LLPH: variants seen among roughly 807,000 people sequenced by gnomAD.
The protein encoded by LLPH is protein LLP homolog.
Under a neutral mutation model 13.3 loss-of-function variants are expected in LLPH, and 5 were observed. That is an observed-to-expected ratio of 0.38 (90% CI 0.20 to 0.79). The LOEUF is 0.79. Ranked by LOEUF, LLPH falls within the 30% of genes least tolerant of loss-of-function variation. The pLI is 0.45. For missense variants in LLPH, 129 were observed against 152.1 expected, an observed-to-expected ratio of 0.85 and a Z score of 0.80; for synonymous variants, 32 against 44.2, an observed-to-expected ratio of 0.72 and a Z score of 1.09.
chr12:66,127,891 C>A (rs140471025), intron 2 of LLPH, among the ~76,000 whole-genome samples: 1 of 152,108 alleles, frequency 6.6e-6, no homozygotes, highest in East Asian at 1.9e-4. Flanking sequence ...GTGGAGGAGA[C>A]TGATAAGGCA....
intron 2 of LLPH, among the ~76,000 whole-genome samples, chr12:66,127,654 G>GTT (rs886546930): frequency 2.6e-5 from 4 of 152,188 alleles, no homozygotes; most frequent in Non-Finnish European, 4.4e-5. Context: ...TTAATTTTAT[G>GTT]TTATGTGGAT....
intron 2 of LLPH, among the ~76,000 whole-genome samples, chr12:66,124,910 C>T (rs1214665335): frequency 1.3e-5 from 2 of 152,118 alleles, no homozygotes; most frequent in African/African-American, 4.8e-5. Flanking sequence ...AAAACCTCAG[C>T]CAGGTATAGT....
Position 66,117,357 on chromosome 12 carries a change from T to A in LLPH, c.*6483A>T, listed in dbSNP as rs372002386. ...ACAGTCATGCATTGCATGATGACAT[T>A]TCAGTCAATATAGGCAGTGGTCCCA... On this transcript the variant is annotated 3_prime_UTR_variant, in exon 3 of 3. Transcript: ENST00000266604. 1.4e-4 allele frequency: 21 copies of A among 152,322 alleles called. No individual in the cohort carries two copies. The highest frequency in any genetic ancestry group is 5.0e-4 in the African/African-American group (21 of 41,586). The allele number at this position is 152,322 out of a possible 1,614,324, so 9.4% of individuals were successfully genotyped here.
chr12:66,123,083 C>T lies in LLPH; in HGVS notation c.*757G>A, dbSNP rs1043846252. The T allele has an allele frequency of 6.6e-6, 1 of 151,602 alleles. No homozygotes were observed. The highest frequency in any genetic ancestry group is 2.4e-5 in the African/African-American group (1 of 41,312). The allele number at this position is 151,602 out of a possible 1,614,324, so 9.4% of individuals were successfully genotyped here. On this transcript the variant is annotated 3_prime_UTR_variant, in exon 3 of 3. Transcript: ENST00000266604. ...ACTTGAAGATCTACACACAAAATAT[C>T]TTTTATTCTGTGGAATCAAAGCTCC...
chr12:66,124,109 T>G, intron 2 of LLPH, 91 bp from the exon 3 acceptor site: 1 of 819,240 alleles, frequency 1.2e-6, no homozygotes, highest in Non-Finnish European at 1.9e-6. Flanking sequence ...ATCAGAACAT[T>G]AGAACTGAAG....
rs887502757 is a variant in LLPH, at chr12:66,120,965, A to G, written c.*2875T>C. 2.0e-5 allele frequency: 3 copies of G among 152,200 alleles called. No individual in the cohort carries two copies. The highest frequency in any genetic ancestry group is 4.4e-5 in the Non-Finnish European group (3 of 68,024). 9.4% of individuals were successfully genotyped at this position (152,200 alleles called of 1,614,324 possible). A position where few individuals can be genotyped will look rare whatever the true frequency, so the allele number is the denominator to read the frequency against. Reference sequence around the variant, plus strand: ...CTGTGTCAGTAAACTTCTCTTCAGCAGTCGCCTTTCCAGAGGCCATGTGAC... The same window carrying G: ...CTGTGTCAGTAAACTTCTCTTCAGCGGTCGCCTTTCCAGAGGCCATGTGAC... On this transcript the variant is annotated 3_prime_UTR_variant, in exon 3 of 3. Transcript: ENST00000266604.
Position 66,127,852 on chromosome 12 carries a change from A to G in LLPH, c.211+1044T>C, listed in dbSNP as rs569518662. On this transcript the variant is annotated intron_variant, in intron 2 of 2. Transcript: ENST00000266604. Reference sequence around the variant, plus strand: ...TTTCTTTTGACATTGAACATCCCAGAACACATCTATGCTGTTGGCAATGAC... The same window carrying G: ...TTTCTTTTGACATTGAACATCCCAGGACACATCTATGCTGTTGGCAATGAC... Among the ~76,000 whole-genome samples the G allele has an allele frequency of 3.9e-5, 6 of 152,340 alleles. No homozygotes were observed. The South Asian group carries it at 1.2e-3, about 32-fold the overall frequency.
In LLPH at chr12:66,126,652, C is replaced by T. The variant is rs143901081; in HGVS notation, c.211+2244G>A. Among the ~76,000 whole-genome samples the T allele has an allele frequency of 2.3e-4, 35 of 152,154 alleles. 1 individual carries two copies. The highest frequency in any genetic ancestry group is 7.7e-4 in the African/African-American group (32 of 41,530). On this transcript the variant is annotated intron_variant, in intron 2 of 2. Transcript: ENST00000266604. ...ATCAGCATATGAAAAAATGTTCAGC[C>T]GGGTGTGGTGGCTCACACCTGTAAT...
At chr12:66,125,435 T>C (rs533463584) in intron 2 of LLPH, among the ~76,000 whole-genome samples, 1 of 149,998 alleles carries the variant, frequency 6.7e-6, no homozygotes, top group East Asian at 1.9e-4. Flanking sequence ...GTTGAAAGAG[T>C]AGAAATAAGG....
intron 2 of LLPH, among the ~76,000 whole-genome samples, chr12:66,124,840 C>T (rs886764056): frequency 7.9e-5 from 12 of 152,172 alleles, no homozygotes; most frequent in Non-Finnish European, 1.5e-4. Context: ...ATATGAACTC[C>T]TAGCCCTCAC....
At chr12:66,125,297 TG>T (rs1338753240) in intron 2 of LLPH, among the ~76,000 whole-genome samples, 1 of 151,918 alleles carries the variant, frequency 6.6e-6, no homozygotes, top group Non-Finnish European at 1.5e-5. Context: ...AGGAAAAAAA[TG>T]GATACAGATT....
chr12:66,126,372 A>G (rs886957439), intron 2 of LLPH, among the ~76,000 whole-genome samples: 2 of 151,756 alleles, frequency 1.3e-5, no homozygotes, highest in East Asian at 1.9e-4. Context: ...AATTAAAAAT[A>G]TAAGAGAAAA....
In LLPH at chr12:66,117,175, C is replaced by T. The variant is rs1475781450; in HGVS notation, c.*6665G>A. ...TCTATGAATTCTGCATTTGGGGCTT[C>T]GTCCTGAGATAAAAAATATTCAAAA... On this transcript the variant is annotated 3_prime_UTR_variant, in exon 3 of 3. Coordinates refer to ENST00000266604, the MANE Select transcript of LLPH (RefSeq NM_032338.4). 3.3e-5 allele frequency: 5 copies of T among 152,106 alleles called. No homozygotes were observed. Among genetic ancestry groups the T allele is most frequent in the East Asian group, 1.9e-4 (1 of 5,198 alleles). The allele number at this position is 152,106 out of a possible 1,614,324, so 9.4% of individuals were successfully genotyped here. A position where few individuals can be genotyped will look rare whatever the true frequency, so the allele number is the denominator to read the frequency against.
intron 1 of LLPH, among the ~76,000 whole-genome samples, chr12:66,129,752 T>C (rs1047676783): frequency 2.0e-5 from 3 of 152,226 alleles, no homozygotes; most frequent in Non-Finnish European, 4.4e-5. Flanking sequence ...CTTACATTTA[T>C]GCAACAGCTT....
At position 66,119,999 on chromosome 12, in the gene LLPH, T is replaced by C. The variant is rs1022050813; in HGVS notation, c.*3841A>G. ...TCTACACTAATGTGACAGTAGAAAA[T>C]AGGATGTGGTCAAAACCACTACTTG... On this transcript the variant is annotated 3_prime_UTR_variant, in exon 3 of 3. Coordinates refer to ENST00000266604, the MANE Select transcript of LLPH (RefSeq NM_032338.4). 8 of 152,200 alleles carry C rather than the reference T, an allele frequency of 5.3e-5. No homozygotes were observed. Among genetic ancestry groups the C allele is most frequent in the Non-Finnish European group, 1.2e-4 (8 of 68,020 alleles). 9.4% of individuals were successfully genotyped at this position (152,200 alleles called of 1,614,324 possible). A position where few individuals can be genotyped will look rare whatever the true frequency, so the allele number is the denominator to read the frequency against.
rs755400485 is a variant in LLPH, at chr12:66,129,123, A to C, written c.-7-10T>G. 6 of 1,521,622 alleles carry C rather than the reference A, an allele frequency of 3.9e-6. No homozygotes were observed. The highest frequency in any genetic ancestry group is 5.4e-6 in the Non-Finnish European group (6 of 1,107,624). The allele number at this position is 1,521,622 out of a possible 1,614,324, so 94.3% of individuals were successfully genotyped here. A position where few individuals can be genotyped will look rare whatever the true frequency, so the allele number is the denominator to read the frequency against. ...TTTAGCCATGTTTTACCTGAAGTTA[A>C]CAAAAACACACATTCAAAAGCAAAT... On this transcript the variant is annotated splice_polypyrimidine_tract_variant and intron_variant, in intron 1 of 2. Coordinates refer to ENST00000266604, the MANE Select transcript of LLPH (RefSeq NM_032338.4).
intron 2 of LLPH, 100 bp downstream of exon 2, chr12:66,128,796 T>TAA: frequency 1.3e-6 from 1 of 769,406 alleles, no homozygotes; most frequent in Non-Finnish European, 2.1e-6. Flanking sequence ...CAGGAAGCTA[T>TAA]AATCACACCA....
Position 66,117,288 on chromosome 12 carries a change from A to G in LLPH, c.*6552T>C, listed in dbSNP as rs2051434707. On this transcript the variant is annotated 3_prime_UTR_variant, in exon 3 of 3. Transcript: ENST00000266604. ...AATACAGTATAACAACTATTTACAT[A>G]GCATTTTCATTGTATTATAAGTAAT... 1 of 152,244 alleles carries G rather than the reference A, an allele frequency of 6.6e-6. No homozygotes were observed. 9.4% of individuals were successfully genotyped at this position (152,244 alleles called of 1,614,324 possible). A position where few individuals can be genotyped will look rare whatever the true frequency, so the allele number is the denominator to read the frequency against.
rs761343172 is a variant in LLPH at position 66,121,107 on chromosome 12, G to A, written c.*2733C>T. 3.3e-5 allele frequency: 5 copies of A among 152,122 alleles called. No individual in the cohort carries two copies. Among genetic ancestry groups the A allele is most frequent in the Non-Finnish European group, 5.9e-5 (4 of 68,026 alleles). The allele number at this position is 152,122 out of a possible 1,614,324, so 9.4% of individuals were successfully genotyped here. A position where few individuals can be genotyped will look rare whatever the true frequency, so the allele number is the denominator to read the frequency against. ...ACTTCATGACTGGACACAATGAAGT[G>A]AAAATCCTAACATCAGAGAGGCTCT... On this transcript the variant is annotated 3_prime_UTR_variant, in exon 3 of 3. Coordinates refer to ENST00000266604, the MANE Select transcript of LLPH (RefSeq NM_032338.4).
Sources: allele counts gnomAD v4.1 joint callset (sites outside exome capture counted in the v4.1 genomes callset), GRCh38; gene constraint gnomAD v4.1.1; transcripts MANE v1.5; gene names NCBI Gene and HGNC (gene_info 2026-07-23, HGNC 2026-07-21).